FAAH2: variants seen among roughly 807,000 people sequenced by gnomAD.
FAAH2 encodes the protein fatty acid amide hydrolase 2, also known as fatty-acid amide hydrolase 2.
In FAAH2, 60 loss-of-function variants were observed where a neutral mutation model predicts 36.9. The observed-to-expected ratio is 1.63, with a 90% CI of 1.32 to 2.02. The LOEUF (loss-of-function observed/expected upper bound fraction) is 2.02, where lower values mean the gene tolerates loss of function less well. Ranked by LOEUF, FAAH2 falls within the 30% of genes most tolerant of loss-of-function variation. The pLI, the probability that FAAH2 is intolerant of heterozygous loss-of-function variation, is 0.00. For missense variants in FAAH2, 689 were observed against 397.5 expected (o/e 1.73, Z -6.23); for synonymous variants, 214 against 143.8 (o/e 1.49, Z -3.49).
chrX:57,429,044 A>G (rs1001645067), intron 7 of FAAH2, among the ~76,000 whole-genome samples: 2 of 111,720 alleles, frequency 1.8e-5, no homozygotes, highest in Admixed American at 1.9e-4. Flanking sequence ...ACAACAAATA[A>G]TTCTGCCAAG....
intron 2 of FAAH2, among the ~76,000 whole-genome samples, chrX:57,293,393 A>G (rs1372849428): frequency 8.9e-6 from 1 of 112,427 alleles, no homozygotes; most frequent in Non-Finnish European, 1.9e-5. Context: ...AAATATAAGT[A>G]CTGCATCAAA....
the FAAH2 span, among the ~76,000 whole-genome samples, chrX:57,280,004 G>C: frequency 3.8e-4 from 42 of 111,828 alleles, 1 homozygote; most frequent in South Asian, 0.016. Context: ...AATCAGGCAA[G>C]AGAATAAAAT....
At chrX:57,196,250 G>T in the FAAH2 span, among the ~76,000 whole-genome samples, 3 of 111,601 alleles carry the variant, frequency 2.7e-5, no homozygotes, top group Non-Finnish European at 5.7e-5. Flanking sequence ...GCAGTGTTTT[G>T]TAGTTTTCCT....
the FAAH2 span, among the ~76,000 whole-genome samples, chrX:57,123,573 G>A: frequency 8.9e-6 from 1 of 111,973 alleles, no homozygotes; most frequent in Non-Finnish European, 1.9e-5. Flanking sequence ...CTGAGGAATC[G>A]CCACGCTGAC....
At chrX:57,384,076 C>G (rs1479084981) in intron 7 of FAAH2, among the ~76,000 whole-genome samples, 37 of 111,461 alleles carry the variant, frequency 3.3e-4, no homozygotes, top group African/African-American at 1.2e-3. Flanking sequence ...AATGGGGAAA[C>G]AATTCCCTAT....
At chrX:57,439,376 G>GT (rs981192446) in intron 8 of FAAH2, among the ~76,000 whole-genome samples, 2 of 111,828 alleles carry the variant, frequency 1.8e-5, no homozygotes, top group African/African-American at 6.5e-5. Context: ...TTTTTCATGT[G>GT]TTTTTTGACT....
At chrX:57,311,950 C>A (rs985466859) in intron 3 of FAAH2, among the ~76,000 whole-genome samples, 2 of 111,995 alleles carry the variant, frequency 1.8e-5, no homozygotes, top group Non-Finnish European at 3.8e-5. Context: ...AGCTCCCAAC[C>A]CCAGAACACT....
intron 7 of FAAH2, among the ~76,000 whole-genome samples, chrX:57,401,907 C>T (rs2055445297): frequency 9.0e-6 from 1 of 111,179 alleles, no homozygotes; most frequent in Non-Finnish European, 1.9e-5. Context: ...CATAATTAGA[C>T]AAGCATGTGA....
the FAAH2 span, among the ~76,000 whole-genome samples, chrX:57,271,838 C>T: frequency 1.8e-5 from 2 of 110,359 alleles, no homozygotes; most frequent in African/African-American, 6.6e-5. Context: ...ATCCAGAATG[C>T]CTCTCTTCCT....
intron 7 of FAAH2, among the ~76,000 whole-genome samples, chrX:57,422,597 G>A (rs2056064884): frequency 2.7e-5 from 3 of 111,736 alleles, no homozygotes; most frequent in Non-Finnish European, 5.6e-5. Flanking sequence ...TGATCTGATG[G>A]TCTGACAGAG....
At chrX:57,432,119 T>A in intron 8 of FAAH2, 82 bp downstream of exon 8, 1 of 879,393 alleles carries the variant, frequency 1.1e-6, no homozygotes, top group Admixed American at 3.3e-5. Context: ...ATGTTAGAGG[T>A]GTAGAGAAAA....
the FAAH2 span, among the ~76,000 whole-genome samples, chrX:57,205,605 G>T: frequency 8.9e-6 from 1 of 112,163 alleles, no homozygotes; most frequent in Non-Finnish European, 1.9e-5. Flanking sequence ...TGCTTTTTGA[G>T]CTGAAGTATA....
the FAAH2 span, among the ~76,000 whole-genome samples, chrX:57,206,599 GC>G: frequency 8.9e-6 from 1 of 112,454 alleles, no homozygotes; most frequent in South Asian, 3.7e-4. Flanking sequence ...ATGCCTTGTG[GC>G]AACACTTTCC....
chrX:57,177,124 G>A, the FAAH2 span, among the ~76,000 whole-genome samples: 3 of 111,280 alleles, frequency 2.7e-5, no homozygotes, highest in African/African-American at 9.8e-5. Flanking sequence ...GTGAGTAAAT[G>A]TAATACCCCA....
the FAAH2 span, among the ~76,000 whole-genome samples, chrX:57,224,247 G>A: frequency 9.0e-6 from 1 of 111,544 alleles, no homozygotes; most frequent in Non-Finnish European, 1.9e-5. Flanking sequence ...CTGTCTTACA[G>A]GCACAGACGT....
chrX:57,135,743 C>T, the FAAH2 span: 1 of 1,163,956 alleles, frequency 8.6e-7, no homozygotes, highest in Non-Finnish European at 1.1e-6. Context: ...GCTTTCAGTA[C>T]ACTGAAAGGC....
chrX:57,388,431 T>C (rs1371768942), intron 7 of FAAH2, among the ~76,000 whole-genome samples: 2 of 111,305 alleles, frequency 1.8e-5, no homozygotes, highest in Non-Finnish European at 3.8e-5. Context: ...TTACCTATTT[T>C]GTAGAAAAAT....
intron 7 of FAAH2, among the ~76,000 whole-genome samples, chrX:57,417,972 TG>T (rs1193182794): frequency 1.8e-5 from 2 of 111,663 alleles, no homozygotes; most frequent in Non-Finnish European, 3.8e-5. Context: ...ACAGTGGTTT[TG>T]CTGAGCTGTG....
At chrX:57,232,791 C>T in the FAAH2 span, among the ~76,000 whole-genome samples, 3 of 112,054 alleles carry the variant, frequency 2.7e-5, no homozygotes, top group African/African-American at 9.7e-5. Flanking sequence ...GTGTTACAGC[C>T]TAGATGGAAC....
Sources: gnomAD v4.1 joint callset for allele counts (sites outside exome capture counted in the v4.1 genomes callset) on GRCh38, gnomAD v4.1.1 for gene constraint, MANE v1.5 for transcripts, NCBI Gene and HGNC (gene_info 2026-07-23, HGNC 2026-07-21) for gene names.